The following RNF220 variants were observed in gnomAD, a reference collection of about 807,000 sequenced individuals.
The protein encoded by RNF220 is E3 ubiquitin-protein ligase RNF220.
Under a neutral mutation model 67.1 loss-of-function variants are expected in RNF220, and 7 were observed. The observed-to-expected ratio is 0.10, with a 90% confidence interval of 0.06 to 0.20. The LOEUF is 0.20. RNF220 is among the 10% of genes least tolerant of loss of function. The pLI is 1.00. For synonymous variants in RNF220, 270 were observed against 283.2 expected (o/e 0.95, Z 0.47); for missense variants, 565 against 740.3 (o/e 0.76, Z 2.75).
chr1:44,470,132 AC>A (rs1250222406), intron 2 of RNF220, among the ~76,000 whole-genome samples: 10 of 152,228 alleles, frequency 6.6e-5, no homozygotes, highest in Admixed American at 5.9e-4. Context: ...GGGTGCTTAG[AC>A]CACCATGGTA....
Position 44,421,709 on chromosome 1 carries a change from C to T in RNF220, c.625+8987C>T, listed in dbSNP as rs139962722. ...AAAGAGGGCTGTCCATTACCCTGAA[C>T]GCACAAATAAACTCAGTGTTTTTCT... On this transcript the variant is annotated intron_variant, in intron 2 of 14. Coordinates refer to ENST00000361799, the MANE Select transcript of RNF220 (RefSeq NM_018150.4). Among the ~76,000 whole-genome samples the T allele has an allele frequency of 2.0e-4, 31 of 152,112 alleles. No homozygotes were observed. In the East Asian group the frequency reaches 2.7e-3, roughly 13 times the overall value.
At position 44,629,290 on chromosome 1, in the gene RNF220, C is replaced by T. The variant is rs149315379; in HGVS notation, c.906+2892C>T. On this transcript the variant is annotated intron_variant, in intron 5 of 14. Coordinates refer to ENST00000361799, the MANE Select transcript of RNF220 (RefSeq NM_018150.4). The stretch of plus-strand genomic sequence containing the variant: ...GCAAGTCACAAAGCTAGCCCATAAT[C>T]GAGTGATGAGGAAAGGCAGCTCTTG... Among the ~76,000 whole-genome samples the T allele has an allele frequency of 1.7e-3, 263 of 152,336 alleles. 2 individuals are homozygous for T. Among genetic ancestry groups the T allele is most frequent in the Middle Eastern group, 6.8e-3 (2 of 294 alleles).
At chr1:44,589,500 G>A (rs1254271829) in intron 2 of RNF220, among the ~76,000 whole-genome samples, 2 of 151,822 alleles carry the variant, frequency 1.3e-5, no homozygotes, top group Non-Finnish European at 2.9e-5. Flanking sequence ...TGTAGTCCCA[G>A]CTACTCGGGA....
At chr1:44,459,008 T>C (rs558077377) in intron 2 of RNF220, among the ~76,000 whole-genome samples, 18 of 152,314 alleles carry the variant, frequency 1.2e-4, no homozygotes, top group Admixed American at 1.1e-3. Flanking sequence ...GCTCCTGTTA[T>C]AACTGTGCTT....
rs150936501 is a variant in RNF220, at chr1:44,644,759, G to A, written c.1188G>A (p.Val396=). ...CGGACAGTGATGCTGACTTGGATGT[G>A]GATGGGGATGACACTCTGGAGTATG... is the stretch of plus-strand genomic sequence containing the variant. ...ENPDSDADLD[V]DGDDTLEYGK... The change falls in exon 9 of 15, where the codon GTG becomes GTA. Residue 396 remains valine, a synonymous_variant. Coordinates refer to ENST00000361799, the MANE Select transcript of RNF220 (RefSeq NM_018150.4). 785 of 1,613,990 alleles carry A rather than the reference G, an allele frequency of 4.9e-4. No individual in the cohort carries two copies. The highest frequency in any genetic ancestry group is 5.9e-4 in the Non-Finnish European group (699 of 1,179,992).
At chr1:44,580,860 TGAG>T (rs1274224247) in intron 2 of RNF220, among the ~76,000 whole-genome samples, 1 of 152,244 alleles carries the variant, frequency 6.6e-6, no homozygotes, top group Non-Finnish European at 1.5e-5. Flanking sequence ...TCCAGGAGAC[TGAG>T]GAGTGGACAG....
chr1:44,451,113 G>T (rs555721903), intron 2 of RNF220, among the ~76,000 whole-genome samples: 1 of 152,150 alleles, frequency 6.6e-6, no homozygotes, highest in Non-Finnish European at 1.5e-5. Flanking sequence ...AACCTGGGAG[G>T]TGGAGGTTGC....
intron 2 of RNF220, among the ~76,000 whole-genome samples, chr1:44,580,066 AGAAAG>A (rs1665150907): frequency 6.7e-6 from 1 of 149,078 alleles, no homozygotes; most frequent in African/African-American, 2.5e-5. Context: ...AAGAAAGAAA[AGAAAG>A]AAAGAAAGAA....
At chr1:44,587,321 T>C (rs1042100977) in intron 2 of RNF220, among the ~76,000 whole-genome samples, 4 of 151,780 alleles carry the variant, frequency 2.6e-5, no homozygotes, top group African/African-American at 9.7e-5. Flanking sequence ...CTAATTTTTA[T>C]ATTTTTAGTG....
chr1:44,646,914 A>G (rs953830999), intron 12 of RNF220, among the ~76,000 whole-genome samples: 88 of 152,138 alleles, frequency 5.8e-4, no homozygotes, highest in African/African-American at 2.0e-3. Context: ...GAATGGTAGG[A>G]TGCCATGGCT....
intron 2 of RNF220, among the ~76,000 whole-genome samples, chr1:44,530,075 T>C (rs1221239815): frequency 6.6e-6 from 1 of 151,642 alleles, no homozygotes; most frequent in Non-Finnish European, 1.5e-5. Flanking sequence ...AAATTAAAAT[T>C]AAATAATAAA....
intron 2 of RNF220, among the ~76,000 whole-genome samples, chr1:44,451,071 T>A (rs1270649597): frequency 6.6e-6 from 1 of 151,970 alleles, no homozygotes; most frequent in Non-Finnish European, 1.5e-5. Context: ...TAGTCCCAGC[T>A]ACTCAGGAGG....
At chr1:44,607,591 A>G (rs997602405) in intron 2 of RNF220, among the ~76,000 whole-genome samples, 2 of 150,412 alleles carry the variant, frequency 1.3e-5, no homozygotes, top group Non-Finnish European at 2.9e-5. Context: ...GGTTCATGCC[A>G]GTCTCCTTGC....
intron 2 of RNF220, among the ~76,000 whole-genome samples, chr1:44,561,315 G>T (rs1572886757): frequency 1.3e-5 from 2 of 152,146 alleles, no homozygotes; most frequent in Non-Finnish European, 2.9e-5. Context: ...TTCAAGACTA[G>T]CCTGGCCAAC....
intron 2 of RNF220, among the ~76,000 whole-genome samples, chr1:44,460,943 C>G (rs1202495939): frequency 1.3e-5 from 2 of 152,208 alleles, no homozygotes; most frequent in Non-Finnish European, 2.9e-5. Flanking sequence ...GGCCTTCCCC[C>G]TTCCCTGTCA....
At chr1:44,520,394 A>C (rs1443596184) in intron 2 of RNF220, among the ~76,000 whole-genome samples, 1 of 152,090 alleles carries the variant, frequency 6.6e-6, no homozygotes, top group Admixed American at 6.5e-5. Context: ...TGAACAGGGG[A>C]CATGGAGCTT....
rs553096115 is a variant in RNF220 at position 44,474,060 on chromosome 1, T to C, written c.625+61338T>C. Among the ~76,000 whole-genome samples, 157 of 151,512 alleles carry C rather than the reference T, an allele frequency of 1.0e-3. 2 individuals are homozygous for C. Among genetic ancestry groups the C allele is most frequent in the Non-Finnish European group, 1.8e-3 (122 of 67,892 alleles). ...TTCTACCAACCACGGATCAAAAATA[T>C]TCAAGAAAAAAAATAAAAAAATAAT... On this transcript the variant is annotated intron_variant, in intron 2 of 14. Transcript: ENST00000361799.
chr1:44,630,163 C>T (rs189175510), intron 5 of RNF220, among the ~76,000 whole-genome samples: 1 of 152,320 alleles, frequency 6.6e-6, no homozygotes, highest in African/African-American at 2.4e-5. Context: ...GTCTTGAACT[C>T]CTGGGCTCAA....
At chr1:44,530,229 A>G (rs1397238350) in intron 2 of RNF220, among the ~76,000 whole-genome samples, 2 of 152,216 alleles carry the variant, frequency 1.3e-5, no homozygotes, top group Non-Finnish European at 2.9e-5. Context: ...ACATTTCACT[A>G]TAGTTGGTAA....
Sources: allele counts gnomAD v4.1 joint callset (sites outside exome capture counted in the v4.1 genomes callset), GRCh38; gene constraint gnomAD v4.1.1; transcripts MANE v1.5; gene names NCBI Gene and HGNC (gene_info 2026-07-23, HGNC 2026-07-21).